Variants in ROR2 observed in about 807,000 individuals in gnomAD.
ROR2 encodes the protein ROR family WNT receptor 2.
In ROR2, 33 loss-of-function variants were observed where a neutral mutation model predicts 74.9. The ratio of observed to expected loss-of-function variants is 0.44; its 90% CI spans 0.33 to 0.59. ROR2 has a LOEUF of 0.59. ROR2 is among the 20% of genes least tolerant of loss of function. The pLI is 0.02. For missense variants in ROR2, 1,216 were observed against 1,313.8 expected (o/e 0.93, Z 1.15); for synonymous variants, 586 against 558.7 (o/e 1.05, Z -0.69).
At chr9:91,800,266 C>T (rs190233488) in intron 1 of ROR2, among the ~76,000 whole-genome samples, 3 of 151,766 alleles carry the variant, frequency 2.0e-5, no homozygotes, top group Admixed American at 6.6e-5. Flanking sequence ...CGCTTGAACC[C>T]GGGAGGCGGA....
intron 1 of ROR2, among the ~76,000 whole-genome samples, chr9:91,897,093 G>C (rs1331422056): frequency 6.6e-6 from 1 of 152,210 alleles, no homozygotes; most frequent in Non-Finnish European, 1.5e-5. Context: ...CGTAGACCCC[G>C]TAAGTGCATA....
chr9:91,914,574 G>A (rs1057201365), intron 1 of ROR2, among the ~76,000 whole-genome samples: 10 of 152,160 alleles, frequency 6.6e-5, no homozygotes, highest in South Asian at 6.2e-4. Context: ...CACAGTGGCC[G>A]CTCCAGGGAT....
chr9:91,904,117 T>G (rs1229564105), intron 1 of ROR2, among the ~76,000 whole-genome samples: 1 of 151,450 alleles, frequency 6.6e-6, no homozygotes, highest in Non-Finnish European at 1.5e-5. Context: ...CTCGGCTCAC[T>G]GCAACCTCCA....
Position 91,755,660 on chromosome 9 carries a change from G to A in ROR2, c.494+411C>T, listed in dbSNP as rs941984392. Reference sequence around the variant, plus strand: ...GGTTGAGACTCCCACCCACTGCCACGGGGTGGCCCAAGGCTCAGGGGCACA... The same window carrying A: ...GGTTGAGACTCCCACCCACTGCCACAGGGTGGCCCAAGGCTCAGGGGCACA... On this transcript the variant is annotated intron_variant, in intron 4 of 8. Coordinates refer to ENST00000375708, the MANE Select transcript of ROR2 (RefSeq NM_004560.4). Among the ~76,000 whole-genome samples the A allele has an allele frequency of 4.6e-5, 7 of 152,334 alleles. No homozygotes were observed. In the East Asian group the frequency reaches 1.2e-3, roughly 25 times the overall value.
rs1827562736 is a variant in ROR2 at position 91,806,752 on chromosome 9, G to A, written c.98-30934C>T. Among the ~76,000 whole-genome samples the A allele has an allele frequency of 2.0e-5, 3 of 152,106 alleles. No individual in the cohort carries two copies. The South Asian group carries it at 6.2e-4, about 32-fold the overall frequency. Reference sequence around the variant, plus strand: ...CTACAGGCACCCACCACCACACCCGGCTAATTTTTTGTATTTTTAGTAGAG... The same window carrying A: ...CTACAGGCACCCACCACCACACCCGACTAATTTTTTGTATTTTTAGTAGAG... On this transcript the variant is annotated intron_variant, in intron 1 of 8. Transcript: ENST00000375708.
chr9:91,727,384 C>T (rs1379812168), intron 7 of ROR2, among the ~76,000 whole-genome samples: 1 of 151,360 alleles, frequency 6.6e-6, no homozygotes, highest in East Asian at 1.9e-4. Flanking sequence ...TTCAAGGCCA[C>T]CAGCTACCTT....
intron 1 of ROR2, among the ~76,000 whole-genome samples, chr9:91,881,343 A>G (rs1351349985): frequency 1.3e-5 from 2 of 152,262 alleles, no homozygotes; most frequent in African/African-American, 4.8e-5. Context: ...AAATGCTAGT[A>G]CAATGAGTCC....
chr9:91,885,055 A>ATGGG (rs1483404267), intron 1 of ROR2, among the ~76,000 whole-genome samples: 1 of 151,926 alleles, frequency 6.6e-6, no homozygotes. Flanking sequence ...CACGAACCCC[A>ATGGG]CCCCTGGTAG....
At chr9:91,849,282 A>G (rs1204458698) in intron 1 of ROR2, among the ~76,000 whole-genome samples, 1 of 152,234 alleles carries the variant, frequency 6.6e-6, no homozygotes, top group Non-Finnish European at 1.5e-5. Flanking sequence ...TGGAGAATCA[A>G]TCCAGGGGTG....
chr9:91,942,499 A>G (rs760078326), intron 1 of ROR2, among the ~76,000 whole-genome samples: 3 of 152,188 alleles, frequency 2.0e-5, no homozygotes, highest in Non-Finnish European at 4.4e-5. Context: ...TATTGCTGTA[A>G]AATGTGATTA....
chr9:91,899,856 C>G (rs996012729), intron 1 of ROR2, among the ~76,000 whole-genome samples: 3 of 152,186 alleles, frequency 2.0e-5, no homozygotes, highest in Non-Finnish European at 2.9e-5. Context: ...CAAACACACA[C>G]ACACAGGTGC....
At chr9:91,889,618 A>T (rs1830376067) in intron 1 of ROR2, among the ~76,000 whole-genome samples, 1 of 152,160 alleles carries the variant, frequency 6.6e-6, no homozygotes, top group African/African-American at 2.4e-5. Flanking sequence ...TTCCATCTGA[A>T]GCAGTCAGTG....
chr9:91,847,652 G>T (rs571345453), intron 1 of ROR2, among the ~76,000 whole-genome samples: 2 of 152,104 alleles, frequency 1.3e-5, no homozygotes, highest in African/African-American at 2.4e-5. Flanking sequence ...TCTCATTTCC[G>T]TGTGCAGCCT....
chr9:91,723,733 G>C lies in ROR2; in HGVS notation c.2761C>G (p.Pro921Ala). Residue 921 changes from proline to alanine, a missense_variant, in exon 9 of 9, where the codon CCA (proline) becomes GCA (alanine). Coordinates refer to ENST00000375708, the MANE Select transcript of ROR2 (RefSeq NM_004560.4). ...EAEEEEEGSV[P>A]ETELLGDCDT... ...CAGTCCCCCAGCAGCTCAGTCTCTG[G>C]GACAGAGCCTTCCTCCTCCTCCTCT... 1 of 1,613,898 alleles carries C rather than the reference G, an allele frequency of 6.2e-7. No homozygotes were observed. The highest frequency in any genetic ancestry group is 8.5e-7 in the Non-Finnish European group (1 of 1,180,034).
chr9:91,794,121 T>C (rs1827095625), intron 1 of ROR2, among the ~76,000 whole-genome samples: 1 of 152,152 alleles, frequency 6.6e-6, no homozygotes, highest in South Asian at 2.1e-4. Context: ...CAAATACCAA[T>C]CAAGCCCAAA....
chr9:91,893,221 G>A (rs964422333), intron 1 of ROR2, among the ~76,000 whole-genome samples: 1 of 152,126 alleles, frequency 6.6e-6, no homozygotes, highest in Admixed American at 6.5e-5. Context: ...CTGAAGCTGG[G>A]CATGGTGGCT....
At chr9:91,882,498 A>G (rs187580821) in intron 1 of ROR2, among the ~76,000 whole-genome samples, 1 of 152,222 alleles carries the variant, frequency 6.6e-6, no homozygotes, top group East Asian at 1.9e-4. Context: ...ATGAAGAGGC[A>G]GTGAAAATGC....
chr9:91,938,532 G>T (rs1232490535), intron 1 of ROR2, among the ~76,000 whole-genome samples: 2 of 152,084 alleles, frequency 1.3e-5, no homozygotes, highest in African/African-American at 4.8e-5. Flanking sequence ...TGAGGCAGGA[G>T]GATCACTTGA....
intron 4 of ROR2, among the ~76,000 whole-genome samples, chr9:91,745,646 G>T (rs1183013656): frequency 6.6e-6 from 1 of 150,670 alleles, no homozygotes; most frequent in Admixed American, 6.6e-5. Flanking sequence ...GACTGGTATT[G>T]AACTCCTGAC....
Sources: gnomAD v4.1 joint callset for allele counts (sites outside exome capture counted in the v4.1 genomes callset) on GRCh38, gnomAD v4.1.1 for gene constraint, MANE v1.5 for transcripts, NCBI Gene and HGNC (gene_info 2026-07-23, HGNC 2026-07-21) for gene names.